PKHD1: variants seen among roughly 807,000 people sequenced by gnomAD.
PKHD1 encodes the protein fibrocystin.
A neutral mutation model predicts 412.0 loss-of-function variants in PKHD1; 291 were observed. The observed-to-expected ratio is 0.71, with a 90% CI of 0.64 to 0.78. The LOEUF is 0.78. Among genes scored for constraint, PKHD1 ranks in the 30% least tolerant of loss-of-function variants. The probability of loss-of-function intolerance (pLI) is 0.00; values close to 1 mark genes in which losing one functional copy is unlikely to be tolerated. For missense variants in PKHD1, 4,825 were observed against 4,950.7 expected (o/e 0.97, Z 0.76); for synonymous variants, 1,777 against 1,821.5 (o/e 0.98, Z 0.62).
chr6:51,664,366 T>C (rs1285015650), intron 60 of PKHD1, among the ~76,000 whole-genome samples: 3 of 152,166 alleles, frequency 2.0e-5, no homozygotes, highest in Non-Finnish European at 2.9e-5. Flanking sequence ...TCGTGCAGGG[T>C]TGGAGCCCGA....
chr6:51,763,421 A>T (rs966707), intron 55 of PKHD1, among the ~76,000 whole-genome samples: 1 of 151,938 alleles, frequency 6.6e-6, no homozygotes, highest in African/African-American at 2.4e-5. Context: ...CTCAGACTCC[A>T]AATGAGGTTT....
chr6:51,985,565 C>T (rs1385975162), intron 35 of PKHD1, among the ~76,000 whole-genome samples: 2 of 152,054 alleles, frequency 1.3e-5, no homozygotes, highest in Non-Finnish European at 2.9e-5. Flanking sequence ...CCTGTCTGTA[C>T]TAAAAATGCA....
chr6:51,895,949 G>A (rs565582188), intron 43 of PKHD1, among the ~76,000 whole-genome samples: 3 of 152,206 alleles, frequency 2.0e-5, no homozygotes, highest in South Asian at 4.2e-4. Context: ...CGAATACTGC[G>A]CTTTTCCGAC....
At chr6:51,974,255 A>C (rs1375038003) in intron 35 of PKHD1, among the ~76,000 whole-genome samples, 1 of 152,174 alleles carries the variant, frequency 6.6e-6, no homozygotes, top group Non-Finnish European at 1.5e-5. Context: ...AAGAAAAAAA[A>C]ACATTTTTTA....
At chr6:51,886,919 G>C (rs1778299133) in intron 44 of PKHD1, among the ~76,000 whole-genome samples, 1 of 152,130 alleles carries the variant, frequency 6.6e-6, no homozygotes, top group African/African-American at 2.4e-5. Flanking sequence ...GGTTGCAGGG[G>C]TGTATACTTA....
intron 35 of PKHD1, among the ~76,000 whole-genome samples, chr6:51,994,327 G>A (rs1797450870): frequency 6.6e-6 from 1 of 151,882 alleles, no homozygotes; most frequent in Admixed American, 6.6e-5. Flanking sequence ...AATAGAGACG[G>A]GGTTTCACCG....
chr6:51,819,510 C>G (rs978704885), intron 52 of PKHD1, among the ~76,000 whole-genome samples: 1 of 152,082 alleles, frequency 6.6e-6, no homozygotes, highest in African/African-American at 2.4e-5. Context: ...CCAGGTCTTA[C>G]AGTATATGCT....
rs1424388528 is a variant in PKHD1 at position 51,847,793 on chromosome 6, T to C, written c.8089A>G (p.Arg2697Gly). ...TACTTACCCAGATAGGTGAGTTGCC[T>C]CAGCTGGCTATTGAAGAACCAGTCA... ...GCDWFFNSQL[R>G]QLTYLVSGEG... The change falls in exon 50 of 67, where the codon AGG (arginine) becomes GGG (glycine). Residue 2697 changes from arginine (R) to glycine (G), a missense_variant. Transcript: ENST00000371117. The C allele has an allele frequency of 1.9e-6, 3 of 1,613,538 alleles. No individual in the cohort carries two copies. Among genetic ancestry groups the C allele is most frequent in the Non-Finnish European group, 1.7e-6 (2 of 1,179,472 alleles).
chr6:51,940,538 C>T (rs1471153419), intron 36 of PKHD1, among the ~76,000 whole-genome samples: 2 of 151,698 alleles, frequency 1.3e-5, no homozygotes, highest in Non-Finnish European at 3.0e-5. Context: ...TGTGTGGGAC[C>T]CCACTGAAAA....
intron 60 of PKHD1, among the ~76,000 whole-genome samples, chr6:51,697,272 G>A (rs1282940253): frequency 6.6e-6 from 1 of 152,200 alleles, no homozygotes; most frequent in Non-Finnish European, 1.5e-5. Flanking sequence ...CAAACACGCT[G>A]TGAGGTAATT....
chr6:52,013,043 T>G (rs1029838948), intron 34 of PKHD1, among the ~76,000 whole-genome samples: 2 of 152,218 alleles, frequency 1.3e-5, no homozygotes, highest in African/African-American at 2.4e-5. Context: ...CATGGTTCAT[T>G]GCCAGCAATA....
chr6:52,065,133 TTATATATATATATATATATA>T (rs369093047), intron 12 of PKHD1, 83 bp from the exon 13 acceptor site: 2 of 131,750 alleles, frequency 1.5e-5, no homozygotes, highest in East Asian at 1.8e-4. Context: ...ATATGTATAA[TTATATATATATATATATATA>T]TATATATATA....
rs528185751 is a variant in PKHD1, at chr6:51,853,423, T to A, written c.7911+2470A>T. Among the ~76,000 whole-genome samples the A allele has an allele frequency of 3.3e-5, 5 of 152,182 alleles. No individual in the cohort carries two copies. The South Asian group carries it at 8.3e-4, about 25-fold the overall frequency. The stretch of plus-strand genomic sequence containing the variant: ...AGTTGGGGTTGGTCTTCTCATAGAG[T>A]GTCTTAATGGTGTTCTCTGCATTTC... On this transcript the variant is annotated intron_variant, in intron 49 of 66. Transcript: ENST00000371117.
intron 65 of PKHD1, among the ~76,000 whole-genome samples, chr6:51,630,265 C>T (rs1489063081): frequency 6.6e-6 from 1 of 152,100 alleles, no homozygotes; most frequent in Non-Finnish European, 1.5e-5. Flanking sequence ...AAATGCTCAT[C>T]CCTTTTCTAC....
chr6:51,986,133 A>G (rs1380535220), intron 35 of PKHD1, among the ~76,000 whole-genome samples: 3 of 152,242 alleles, frequency 2.0e-5, no homozygotes, highest in Non-Finnish European at 4.4e-5. Flanking sequence ...CAAGTTAAAA[A>G]AACAGAAATG....
At chr6:51,771,059 C>T (rs1046885801) in intron 55 of PKHD1, among the ~76,000 whole-genome samples, 1 of 152,028 alleles carries the variant, frequency 6.6e-6, no homozygotes, top group Non-Finnish European at 1.5e-5. Context: ...AACATACTGG[C>T]CTGCTTACAG....
intron 32 of PKHD1, 85 bp downstream of exon 32, chr6:52,024,489 T>A: frequency 7.9e-7 from 1 of 1,263,336 alleles, no homozygotes. Flanking sequence ...AGGCAGATTG[T>A]GTTAATTTTC....
intron 60 of PKHD1, among the ~76,000 whole-genome samples, chr6:51,722,345 C>T (rs563490849): frequency 2.7e-4 from 41 of 152,288 alleles, no homozygotes; most frequent in African/African-American, 8.9e-4. Flanking sequence ...GGTTGCGTCT[C>T]ACTTATGTCT....
In PKHD1 at chr6:51,895,757, G is replaced by C. The variant is rs562242021; in HGVS notation, c.6996+7840C>G. Reference sequence around the variant, plus strand: ...TTTCTGCATTTCCATCTGAGGTACCGGGTTCATCTCACTAGGGAGTGCCAG... The same window carrying C: ...TTTCTGCATTTCCATCTGAGGTACCCGGTTCATCTCACTAGGGAGTGCCAG... On this transcript the variant is annotated intron_variant, in intron 43 of 66. Transcript: ENST00000371117. Among the ~76,000 whole-genome samples the C allele has an allele frequency of 1.9e-3, 294 of 152,174 alleles. 2 individuals are homozygous for C. Among genetic ancestry groups the C allele is most frequent in the African/African-American group, 6.6e-3 (276 of 41,536 alleles).
Sources: gnomAD v4.1 joint callset for allele counts (sites outside exome capture counted in the v4.1 genomes callset) on GRCh38, gnomAD v4.1.1 for gene constraint, MANE v1.5 for transcripts, NCBI Gene and HGNC (gene_info 2026-07-23, HGNC 2026-07-21) for gene names.